The following SLC25A48 variants were observed in gnomAD, a reference collection of about 807,000 sequenced individuals.
SLC25A48 encodes CTC-321K16.1.
SLC25A48 carries 29 observed loss-of-function variants against 32.2 expected under a neutral mutation model. That is an observed-to-expected ratio of 0.90 (90% CI 0.67 to 1.23). SLC25A48 has a LOEUF of 1.23. Among genes scored for constraint, SLC25A48 ranks in the 50% most tolerant of loss-of-function variants. The probability of loss-of-function intolerance (pLI) is 0.00; values close to 1 mark genes in which losing one functional copy is unlikely to be tolerated. For missense variants in SLC25A48, 399 were observed against 422.7 expected, an observed-to-expected ratio of 0.94 and a Z score of 0.49; for synonymous variants, 164 against 172.3, an observed-to-expected ratio of 0.95 and a Z score of 0.38.
intron 2 of SLC25A48, among the ~76,000 whole-genome samples, chr5:135,845,100 G>A (rs1173646433): frequency 6.6e-6 from 1 of 152,216 alleles, no homozygotes; most frequent in East Asian, 1.9e-4. Flanking sequence ...CAGGAAGCAG[G>A]AAGTCCAAAA....
rs189159333 is a variant in SLC25A48, at chr5:135,874,090, A to T, written c.749A>T (p.Tyr250Phe). Residue 250 changes from tyrosine (Y) to phenylalanine (F), a missense_variant, in exon 6 of 8, where the codon TAT becomes TTT. By Grantham distance (22) the Tyr-to-Phe change is conservative. Coordinates refer to ENST00000681962, the MANE Select transcript of SLC25A48 (RefSeq NM_001349336.2). ...VKSRLQADGV[Y>F]LNKYKGVLDC... ...AGTCGACTCCAAGCTGATGGGGTTT[A>T]TTTAAACAAATATAAAGGTGTCCTG... 1,459 of 1,524,062 alleles carry T rather than the reference A, an allele frequency of 9.6e-4. 1 individual carries two copies. Among genetic ancestry groups the T allele is most frequent in the Admixed American group, 1.8e-3 (88 of 47,872 alleles). 94.4% of individuals were successfully genotyped at this position (1,524,062 alleles called of 1,614,324 possible).
At chr5:135,867,007 A>G (rs1438265518) in intron 4 of SLC25A48, among the ~76,000 whole-genome samples, 1 of 152,158 alleles carries the variant, frequency 6.6e-6, no homozygotes, top group African/African-American at 2.4e-5. Context: ...CGTAATCCAT[A>G]TCTATCCTAA....
chr5:135,732,105 G>A (rs1257627475), intron 3 of SLC25A48, among the ~76,000 whole-genome samples: 2 of 152,258 alleles, frequency 1.3e-5, no homozygotes, highest in Non-Finnish European at 2.9e-5. Context: ...ATTTTGAGAA[G>A]GGCAAGTGGT....
At chr5:135,747,613 C>T (rs180837968) in intron 3 of SLC25A48, among the ~76,000 whole-genome samples, 24 of 152,262 alleles carry the variant, frequency 1.6e-4, no homozygotes, top group African/African-American at 5.8e-4. Context: ...GCCACAACTA[C>T]TCATTGCTAC....
chr5:135,611,523 A>AAAAAAAAAAG (rs1752067388), intron 1 of SLC25A48, among the ~76,000 whole-genome samples: 1 of 139,430 alleles, frequency 7.2e-6, no homozygotes, highest in African/African-American at 2.8e-5. Context: ...AAAAAAAAAA[A>AAAAAAAAAAG]AAAAGAAAAA....
intron 7 of SLC25A48, among the ~76,000 whole-genome samples, chr5:135,882,085 G>GACCAACCC (rs1762514304): frequency 6.6e-6 from 1 of 152,212 alleles, no homozygotes; most frequent in Non-Finnish European, 1.5e-5. Context: ...CACAAGCAGT[G>GACCAACCC]ACCAACCCAA....
chr5:135,580,514 G>C (rs998666983), intron 1 of SLC25A48, among the ~76,000 whole-genome samples: 3 of 152,176 alleles, frequency 2.0e-5, no homozygotes, highest in Non-Finnish European at 4.4e-5. Flanking sequence ...CAACTGGAGA[G>C]CCCTTGCTGC....
chr5:135,765,965 C>T (rs891202615), intron 3 of SLC25A48, among the ~76,000 whole-genome samples: 1 of 151,312 alleles, frequency 6.6e-6, no homozygotes, highest in Admixed American at 6.6e-5. Flanking sequence ...TTGCATACAT[C>T]CCCCCGTGAT....
intron 3 of SLC25A48, among the ~76,000 whole-genome samples, chr5:135,723,055 C>G (rs1409459672): frequency 2.0e-5 from 3 of 152,330 alleles, no homozygotes; most frequent in African/African-American, 7.2e-5. Flanking sequence ...GCCCGCATGG[C>G]TAGGTATCTT....
rs61742986 is a variant in SLC25A48, at chr5:135,871,482, G to T, written c.443G>T (p.Arg148Met). The change falls in exon 5 of 8, where the codon AGG becomes ATG. Residue 148 changes from arginine to methionine, a missense_variant. By Grantham distance (91) the Arg-to-Met change is moderately conservative. Transcript: ENST00000681962. ...GCAGCCAACCTCGGTTTGAAGTCCA[G>T]GGCAGTGGCTCCTGCGGAGCAGCCA... The part of the protein sequence containing the change: ...FRDANLGLKS[R>M]AVAPAEQPAY... 310 of 1,600,118 alleles carry T rather than the reference G, an allele frequency of 1.9e-4. 2 individuals are homozygous for T. The African/African-American group carries it at 2.4e-3, about 12-fold the overall frequency.
intron 3 of SLC25A48, among the ~76,000 whole-genome samples, chr5:135,714,486 G>A (rs6861738): frequency 0.69 from 105,694 of 152,100 alleles, 37,265 homozygotes; most frequent in Middle Eastern, 0.77. Flanking sequence ...CACCCACCAT[G>A]TCGGGCTTGC....
rs184296700 is a variant in SLC25A48 at position 135,668,243 on chromosome 5, T to G, written c.-521+33287T>G. Reference sequence around the variant, plus strand: ...ATCATAATGACCAAATGATCAAAACTCAGGATCCTATAAGCTGAGAAGTTT... The same window carrying G: ...ATCATAATGACCAAATGATCAAAACGCAGGATCCTATAAGCTGAGAAGTTT... On this transcript the variant is annotated intron_variant, in intron 3 of 10. Coordinates refer to the SLC25A48 transcript ENST00000646290. 2.2e-3 allele frequency among the ~76,000 whole-genome samples: 337 copies of G among 152,258 alleles called. 2 individuals are homozygous for G. The highest frequency in any genetic ancestry group is 7.8e-3 in the African/African-American group (323 of 41,532).
chr5:135,796,882 C>A (rs1757194888), intron 3 of SLC25A48, among the ~76,000 whole-genome samples: 1 of 151,662 alleles, frequency 6.6e-6, no homozygotes, highest in African/African-American at 2.4e-5. Flanking sequence ...GATGATATGA[C>A]TTCCTATAGT....
At chr5:135,670,170 A>G (rs1340605737) in intron 3 of SLC25A48, among the ~76,000 whole-genome samples, 1 of 152,188 alleles carries the variant, frequency 6.6e-6, no homozygotes, top group African/African-American at 2.4e-5. Flanking sequence ...TTTGCCACTT[A>G]TAAAGCTCTG....
chr5:135,688,013 G>C (rs1754055145), intron 3 of SLC25A48, among the ~76,000 whole-genome samples: 1 of 9,050 alleles, frequency 1.1e-4, no homozygotes, highest in Admixed American at 6.2e-4. Context: ...TCCATCTTCA[G>C]AACTCATTCA....
chr5:135,815,243 C>T (rs1016818383), intron 4 of SLC25A48, among the ~76,000 whole-genome samples: 1 of 152,140 alleles, frequency 6.6e-6, no homozygotes. Context: ...GAAACAGTTC[C>T]ACTTCAAATC....
At chr5:135,882,903 T>C (rs1762579552) in intron 7 of SLC25A48, among the ~76,000 whole-genome samples, 5 of 152,236 alleles carry the variant, frequency 3.3e-5, no homozygotes. Context: ...TTGCTGAACA[T>C]TTTCAAATAG....
intron 1 of SLC25A48, among the ~76,000 whole-genome samples, chr5:135,585,083 G>A (rs1176792096): frequency 6.6e-6 from 1 of 152,248 alleles, no homozygotes; most frequent in Non-Finnish European, 1.5e-5. Flanking sequence ...GCACTGCAGA[G>A]AGGCAGGTAG....
chr5:135,754,910 C>A (rs1483283408), intron 3 of SLC25A48, among the ~76,000 whole-genome samples: 1 of 151,648 alleles, frequency 6.6e-6, no homozygotes, highest in African/African-American at 2.4e-5. Context: ...ATTGGTCTGA[C>A]ATTTATAATA....
Sources: gnomAD v4.1 joint callset for allele counts (sites outside exome capture counted in the v4.1 genomes callset) on GRCh38, gnomAD v4.1.1 for gene constraint, MANE v1.5 for transcripts, NCBI Gene and HGNC (gene_info 2026-07-23, HGNC 2026-07-21) for gene names.